CERKL: variants seen among roughly 807,000 people sequenced by gnomAD.
CERKL encodes ceramide kinase-like protein.
CERKL carries 61 observed loss-of-function variants against 63.4 expected under a neutral mutation model. The ratio of observed to expected loss-of-function variants is 0.96; its 90% confidence interval spans 0.78 to 1.19. The LOEUF is 1.19. Ranked by LOEUF, CERKL falls within the 50% of genes most tolerant of loss-of-function variation. The pLI is 0.00. For missense variants in CERKL, 675 were observed against 655.5 expected (o/e 1.03, Z -0.33); for synonymous variants, 250 against 230.5 (o/e 1.08, Z -0.77).
Position 181,537,103 on chromosome 2 carries a change from T to TTTATGACATTTATGTA in CERKL, c.*1065_*1080dup, listed in dbSNP as rs1263258016. 1.8e-5 allele frequency: 8 copies of TTTATGACATTTATGTA among 452,484 alleles called. No individual in the cohort carries two copies. Among genetic ancestry groups the TTTATGACATTTATGTA allele is most frequent in the Admixed American group, 7.1e-5 (3 of 42,216 alleles). The allele number at this position is 452,484 out of a possible 1,614,324, so 28.0% of individuals were successfully genotyped here. ...AGAGTGTGTATACACAGGAATAAAC[T>TTTATGACATTTATGTA]TTATGACATTTATGTATTTTTAAAA... is the stretch of plus-strand genomic sequence containing the variant. On this transcript the variant is annotated 3_prime_UTR_variant, in exon 13 of 13. Transcript: ENST00000410087.
At position 181,537,213 on chromosome 2, in the gene CERKL, ACTGTCTTCTCCAGGATGGT is replaced by A. The variant is rs1438225553; in HGVS notation, c.*952_*970del. The A allele has an allele frequency of 1.5e-5, 7 of 453,784 alleles. No homozygotes were observed. The highest frequency in any genetic ancestry group is 3.1e-5 in the Non-Finnish European group (7 of 226,730). 28.1% of individuals were successfully genotyped at this position (453,784 alleles called of 1,614,324 possible). A position where few individuals can be genotyped will look rare whatever the true frequency, so the allele number is the denominator to read the frequency against. On this transcript the variant is annotated 3_prime_UTR_variant, in exon 13 of 13. Coordinates refer to ENST00000410087, the MANE Select transcript of CERKL (RefSeq NM_201548.5). ...ATGAAAAATCAAGCCCCGATTTAGA[ACTGTCTTCTCCAGGATGGT>A]CTCTAAGGAAATTTACATTTGGTTC...
At chr2:181,620,026 T>A (rs1686379616) in intron 1 of CERKL, among the ~76,000 whole-genome samples, 1 of 152,198 alleles carries the variant, frequency 6.6e-6, no homozygotes, top group Admixed American at 6.5e-5. Flanking sequence ...CACTTCTTTG[T>A]GTATATTAAA....
At chr2:181,559,714 G>A (rs968187238) in intron 4 of CERKL, among the ~76,000 whole-genome samples, 3 of 152,186 alleles carry the variant, frequency 2.0e-5, no homozygotes, top group Non-Finnish European at 4.4e-5. Flanking sequence ...AAACAAAACT[G>A]TCTATGGGCC....
At chr2:181,615,642 G>T (rs987487031) in intron 1 of CERKL, among the ~76,000 whole-genome samples, 5 of 152,132 alleles carry the variant, frequency 3.3e-5, no homozygotes, top group Non-Finnish European at 7.3e-5. Flanking sequence ...CTTCAGAATT[G>T]GTTATCTAAT....
In CERKL at chr2:181,656,826, C is replaced by T. The variant is rs2105567812; in HGVS notation, c.181G>A (p.Val61Met). Residue 61 changes from valine (V) to methionine (M), a missense_variant, in exon 1 of 13, where the codon GTG (valine) becomes ATG (methionine). Transcript: ENST00000410087. ...IFEIGRDSCD[V>M]VLSERALRWR... is the part of the protein sequence containing the mutation. ...CGCAGTGCTCGCTCGCTCAGCACCA[C>T]GTCACAACTGTCCCTCCCGATCTCG... is the stretch of plus-strand genomic sequence containing the variant. 1.2e-6 allele frequency: 2 copies of T among 1,603,118 alleles called. No homozygotes were observed. The highest frequency in any genetic ancestry group is 1.7e-6 in the Non-Finnish European group (2 of 1,172,816).
intron 1 of CERKL, among the ~76,000 whole-genome samples, chr2:181,638,729 A>G (rs951514845): frequency 6.6e-6 from 1 of 152,202 alleles, no homozygotes; most frequent in Non-Finnish European, 1.5e-5. Flanking sequence ...AAGGCAGCCC[A>G]CAGCCTGTGA....
chr2:181,540,533 G>A (rs2105790040), intron 11 of CERKL, among the ~76,000 whole-genome samples: 1 of 152,284 alleles, frequency 6.6e-6, no homozygotes, highest in South Asian at 2.1e-4. Flanking sequence ...ATGTCCTTAT[G>A]AGAGAAGAAT....
At position 181,539,234 on chromosome 2, in the gene CERKL, CA is replaced by C; in HGVS notation, c.1395del (p.Val466LeufsTer4). On this transcript the variant is annotated frameshift_variant, in exon 12 of 13. Transcript: ENST00000410087. LOFTEE classifies it high-confidence loss of function. ...CTTGGATGAACTTTTACTTCCTCAACAGTGTAAGTCTCAACAAATGGAAAAT... is the reference window on the plus strand; with the variant it reads ...CTTGGATGAACTTTTACTTCCTCAACGTGTAAGTCTCAACAAATGGAAAAT... ...QFNFPFVETY[T>X]VEEVKVHPRN... The C allele has an allele frequency of 6.3e-7, 1 of 1,597,892 alleles. No homozygotes were observed. The highest frequency in any genetic ancestry group is 8.6e-7 in the Non-Finnish European group (1 of 1,165,558).
chr2:181,612,454 A>G (rs535938227), intron 1 of CERKL, among the ~76,000 whole-genome samples: 1 of 152,214 alleles, frequency 6.6e-6, no homozygotes, highest in Admixed American at 6.5e-5. Flanking sequence ...TTTTTTTACT[A>G]TAGCTAAGTT....
At chr2:181,644,824 T>TA (rs951567781) in intron 1 of CERKL, among the ~76,000 whole-genome samples, 56 of 151,892 alleles carry the variant, frequency 3.7e-4, no homozygotes, top group Middle Eastern at 3.4e-3. Context: ...ATCATTCAAA[T>TA]AAAAAAAAGC....
chr2:181,593,428 G>A (rs1277727739), intron 2 of CERKL, among the ~76,000 whole-genome samples: 2 of 151,882 alleles, frequency 1.3e-5, no homozygotes, highest in Non-Finnish European at 2.9e-5. Context: ...GTGGAGTTAG[G>A]ACTTGAAAGT....
At chr2:181,596,815 A>G (rs1451446320) in intron 2 of CERKL, among the ~76,000 whole-genome samples, 2 of 152,114 alleles carry the variant, frequency 1.3e-5, no homozygotes, top group Non-Finnish European at 2.9e-5. Context: ...GAGACTTTTA[A>G]AGAAAGCCCA....
chr2:181,557,005 C>G (rs1360333036), intron 5 of CERKL, among the ~76,000 whole-genome samples: 2 of 152,140 alleles, frequency 1.3e-5, no homozygotes, highest in Non-Finnish European at 2.9e-5. Context: ...TGATGATGAG[C>G]ATTTTTTCAT....
At chr2:181,612,019 C>T (rs1300626302) in intron 1 of CERKL, among the ~76,000 whole-genome samples, 4 of 152,140 alleles carry the variant, frequency 2.6e-5, no homozygotes, top group Admixed American at 6.5e-5. Flanking sequence ...ACACACCAAA[C>T]GCTGTTCTCT....
intron 11 of CERKL, among the ~76,000 whole-genome samples, chr2:181,543,122 A>G (rs888027648): frequency 6.6e-6 from 1 of 152,216 alleles, no homozygotes; most frequent in Non-Finnish European, 1.5e-5. Context: ...TTTATTTAAT[A>G]AAAAAGGATT....
At chr2:181,593,719 T>C (rs1685079189) in intron 2 of CERKL, among the ~76,000 whole-genome samples, 1 of 151,940 alleles carries the variant, frequency 6.6e-6, no homozygotes, top group Non-Finnish European at 1.5e-5. Context: ...AATTTATCAG[T>C]TTCTCATCTA....
chr2:181,544,173 A>G (rs1687628596), intron 11 of CERKL, among the ~76,000 whole-genome samples: 1 of 152,170 alleles, frequency 6.6e-6, no homozygotes, highest in Non-Finnish European at 1.5e-5. Context: ...CTTTAAAGCA[A>G]ATCACTTAAG....
intron 10 of CERKL, among the ~76,000 whole-genome samples, chr2:181,545,336 T>C (rs1022535689): frequency 6.6e-6 from 1 of 152,172 alleles, no homozygotes; most frequent in Non-Finnish European, 1.5e-5. Flanking sequence ...TTCAGTTAAA[T>C]GACTGAACAT....
At chr2:181,552,389 AGTTC>A (rs1688024634) in intron 5 of CERKL, among the ~76,000 whole-genome samples, 2 of 152,122 alleles carry the variant, frequency 1.3e-5, no homozygotes, top group African/African-American at 4.8e-5. Context: ...ATAGTGAGTG[AGTTC>A]TCATGAGATC....
Sources: gnomAD v4.1 joint callset for allele counts (sites outside exome capture counted in the v4.1 genomes callset) on GRCh38, gnomAD v4.1.1 for gene constraint, MANE v1.5 for transcripts, NCBI Gene and HGNC (gene_info 2026-07-23, HGNC 2026-07-21) for gene names.